Variants in OTC observed in about 807,000 individuals in gnomAD.
OTC encodes the protein ornithine transcarbamylase.
OTC carries 3 observed loss-of-function variants against 30.3 expected under a neutral mutation model. The ratio of observed to expected loss-of-function variants is 0.10; its 90% CI spans 0.05 to 0.26. The LOEUF (loss-of-function observed/expected upper bound fraction) is 0.26. Ranked by LOEUF, OTC falls within the 10% of genes least tolerant of loss-of-function variation. The pLI is 1.00. For synonymous variants in OTC, 111 were observed against 99.7 expected (o/e 1.11, Z -0.67); for missense variants, 194 against 260.3 (o/e 0.75, Z 1.75).
At chrX:38,404,848 G>T (rs1285255826) in intron 6 of OTC, among the ~76,000 whole-genome samples, 1 of 111,552 alleles carries the variant, frequency 9.0e-6, no homozygotes, top group African/African-American at 3.3e-5. Flanking sequence ...AAAATTGAGA[G>T]TCCGGGCAAA....
Position 38,412,019 on chromosome X carries a change from T to C in OTC, c.1005+20T>C, listed in dbSNP as rs770985649. On this transcript the variant is annotated intron_variant, in intron 9 of 9. Transcript: ENST00000039007. ...ATCATGGTAAGCAAGAAACAAGGAA[T>C]GGAGGATAAGTTCTTTGTGTGGTTC... is the stretch of plus-strand genomic sequence containing the variant. 24 of 1,206,350 alleles carry C rather than the reference T, an allele frequency of 2.0e-5. No homozygotes were observed. Among genetic ancestry groups the C allele is most frequent in the Non-Finnish European group, 2.7e-5 (24 of 890,781 alleles).
the OTC span, among the ~76,000 whole-genome samples, chrX:38,329,814 T>C: frequency 1.8e-5 from 2 of 111,259 alleles, no homozygotes; most frequent in African/African-American, 6.5e-5. Flanking sequence ...CAATGGGAAA[T>C]ATACCAATGG....
chrX:38,337,674 C>A, the OTC span, among the ~76,000 whole-genome samples: 1 of 111,893 alleles, frequency 8.9e-6, no homozygotes, highest in Non-Finnish European at 1.9e-5. Context: ...ATTGTTGGAT[C>A]CAGACCAATC....
At chrX:38,344,548 A>G in the OTC span, among the ~76,000 whole-genome samples, 2 of 111,116 alleles carry the variant, frequency 1.8e-5, no homozygotes, top group African/African-American at 6.6e-5. Context: ...TGGAAAAAAA[A>G]ACTCAATCTC....
intron 3 of OTC, among the ~76,000 whole-genome samples, chrX:38,374,255 C>A (rs1443011027): frequency 5.4e-5 from 6 of 111,242 alleles, no homozygotes; most frequent in Non-Finnish European, 9.4e-5. Flanking sequence ...ACAAATGAAA[C>A]AGGTAAAAGC....
intron 9 of OTC, among the ~76,000 whole-genome samples, chrX:38,415,897 A>G (rs2068568784): frequency 8.9e-6 from 1 of 112,060 alleles, no homozygotes; most frequent in Non-Finnish European, 1.9e-5. Context: ...GAGAAGATTC[A>G]GTTCCTCAGT....
At chrX:38,361,261 C>G (rs968401603) in intron 1 of OTC, among the ~76,000 whole-genome samples, 1 of 110,028 alleles carries the variant, frequency 9.1e-6, no homozygotes, top group African/African-American at 3.3e-5. Flanking sequence ...GCTGAGATTG[C>G]GCCGCTGCGC....
At chrX:38,355,087 T>G (rs1174316564) in intron 1 of OTC, among the ~76,000 whole-genome samples, 1 of 112,140 alleles carries the variant, frequency 8.9e-6, no homozygotes, top group Non-Finnish European at 1.9e-5. Flanking sequence ...GTGGTTAGAA[T>G]TTGATGGTGC....
chrX:38,343,009 G>A, the OTC span, among the ~76,000 whole-genome samples: 1 of 112,285 alleles, frequency 8.9e-6, no homozygotes, highest in Admixed American at 9.4e-5. Flanking sequence ...GGTCTGAAGA[G>A]AGGCACCAAC....
At chrX:38,349,370 A>T (rs2068203802), upstream of OTC, among the ~76,000 whole-genome samples, 1 of 112,716 alleles carries the variant, frequency 8.9e-6, no homozygotes, top group Admixed American at 9.3e-5. Flanking sequence ...GTTGAAATTT[A>T]AGTGGCATTG....
Position 38,411,685 on chromosome X carries a change from A to T in OTC, c.868-177A>T, listed in dbSNP as rs190591013. Among the ~76,000 whole-genome samples, 550 of 110,822 alleles carry T rather than the reference A, an allele frequency of 5.0e-3. 1 individual carries two copies. Among genetic ancestry groups the T allele is most frequent in the African/African-American group, 0.017 (519 of 30,288 alleles). On this transcript the variant is annotated intron_variant, in intron 8 of 9. Coordinates refer to ENST00000039007, the MANE Select transcript of OTC (RefSeq NM_000531.6). ...TGTCTCAAAAAAAAAAAAAAATTTG[A>T]AAGTACCATGTACATTTCTCCTAGG...
intron 2 of OTC, among the ~76,000 whole-genome samples, chrX:38,368,244 C>T (rs2068306910): frequency 9.0e-6 from 1 of 110,979 alleles, no homozygotes; most frequent in East Asian, 2.9e-4. Context: ...CCTGCAATTC[C>T]AGCTACTAGG....
At chrX:38,363,847 G>A (rs1326238698) in intron 1 of OTC, among the ~76,000 whole-genome samples, 3 of 111,283 alleles carry the variant, frequency 2.7e-5, no homozygotes, top group Non-Finnish European at 3.8e-5. Flanking sequence ...GTTCTTTGCC[G>A]GGCGTGGTGG....
At chrX:38,406,879 G>A (rs2068518144) in intron 6 of OTC, among the ~76,000 whole-genome samples, 4 of 112,511 alleles carry the variant, frequency 3.6e-5, no homozygotes, top group Non-Finnish European at 5.6e-5. Flanking sequence ...CATCTGAGTA[G>A]TTTCTTCTTT....
chrX:38,357,412 G>A (rs1218148694), intron 1 of OTC, among the ~76,000 whole-genome samples: 1 of 112,889 alleles, frequency 8.9e-6, no homozygotes, highest in African/African-American at 3.2e-5. Flanking sequence ...ATTAATGCAA[G>A]GTTAAAGAAA....
chrX:38,415,578 C>T (rs1429601906), intron 9 of OTC, among the ~76,000 whole-genome samples: 2 of 110,860 alleles, frequency 1.8e-5, no homozygotes, highest in Admixed American at 9.6e-5. Flanking sequence ...TCAGGCCAGG[C>T]GCACTGGCTC....
chrX:38,367,858 C>A (rs1385286939), intron 2 of OTC, among the ~76,000 whole-genome samples: 1 of 110,010 alleles, frequency 9.1e-6, no homozygotes, highest in East Asian at 2.9e-4. Flanking sequence ...GCTGGGATTA[C>A]AGGTGCATAC....
intron 3 of OTC, among the ~76,000 whole-genome samples, chrX:38,374,969 C>T (rs1439790973): frequency 8.9e-6 from 1 of 112,365 alleles, no homozygotes; most frequent in African/African-American, 3.2e-5. Context: ...AATTTCTCTT[C>T]TTTCTGTTAG....
chrX:38,339,439 T>C, the OTC span, among the ~76,000 whole-genome samples: 2 of 110,496 alleles, frequency 1.8e-5, no homozygotes, highest in Non-Finnish European at 3.8e-5. Flanking sequence ...GAGGTACATG[T>C]TCAGGTTTGT....
Sources: allele counts gnomAD v4.1 joint callset (sites outside exome capture counted in the v4.1 genomes callset), GRCh38; gene constraint gnomAD v4.1.1; transcripts MANE v1.5; gene names NCBI Gene and HGNC (gene_info 2026-07-23, HGNC 2026-07-21).